The following STRA8 variants were observed in gnomAD, a reference collection of about 807,000 sequenced individuals.
STRA8 encodes the protein stimulated by retinoic acid 8.
A neutral mutation model predicts 37.1 loss-of-function variants in STRA8; 18 were observed. The observed-to-expected ratio is 0.48, with a 90% CI of 0.34 to 0.72. The LOEUF (loss-of-function observed/expected upper bound fraction) is 0.72. Ranked by LOEUF, STRA8 falls within the 30% of genes least tolerant of loss-of-function variation. The pLI, the probability that STRA8 is intolerant of heterozygous loss-of-function variation, is 0.01. For missense variants in STRA8, 357 were observed against 410.4 expected (o/e 0.87, Z 1.13); for synonymous variants, 168 against 162.9 (o/e 1.03, Z -0.24).
At chr7:135,243,088 C>G (rs1237319046) in intron 3 of STRA8, among the ~76,000 whole-genome samples, 3 of 152,172 alleles carry the variant, frequency 2.0e-5, no homozygotes, top group Non-Finnish European at 2.9e-5. Context: ...GAGTTCCCTA[C>G]TGGAGTGCTG....
rs759761842 is a variant in STRA8 at position 135,240,611 on chromosome 7, G to A, written c.87G>A (p.Val29=). The A allele has an allele frequency of 9.9e-5, 160 of 1,613,996 alleles. No homozygotes were observed. Among genetic ancestry groups the A allele is most frequent in the Non-Finnish European group, 2.5e-5 (29 of 1,180,034 alleles). The change falls in exon 2 of 9, where the codon GTG becomes GTA. Residue 29 remains valine (V), a synonymous_variant. Coordinates refer to ENST00000662584, the MANE Select transcript of STRA8 (RefSeq NM_001394401.1). ...PAQLQELEHR[V]ARRRLSQARH... is the part of the protein sequence containing the mutation. Reference sequence around the variant, plus strand: ...AGCTGCAGGAGCTTGAGCATCGGGTGGCCCGGAGACGGCTGTCCCAGGCCC... The same window carrying A: ...AGCTGCAGGAGCTTGAGCATCGGGTAGCCCGGAGACGGCTGTCCCAGGCCC...
rs1241485468 is a variant in STRA8 at position 135,246,835 on chromosome 7, T to A, written c.879+133T>A. 4.1e-6 allele frequency: 4 copies of A among 971,574 alleles called. No homozygotes were observed. The East Asian group carries it at 1.1e-4, about 28-fold the overall frequency. 60.2% of individuals were successfully genotyped at this position (971,574 alleles called of 1,614,324 possible). On this transcript the variant is annotated intron_variant, in intron 6 of 8. Coordinates refer to ENST00000662584, the MANE Select transcript of STRA8 (RefSeq NM_001394401.1). The surrounding 1 kb of genome is among the most constrained non-coding windows in gnomAD (Gnocchi z 5.4). ...TCTGGCTCCCAAGGTCGGTTTCTGATTTTCTTTTTTCTCTTTTTTTTTTTT... is the reference window on the plus strand; with the variant it reads ...TCTGGCTCCCAAGGTCGGTTTCTGAATTTCTTTTTTCTCTTTTTTTTTTTT...
chr7:135,252,275 G>A (rs1832648486), intron 7 of STRA8, among the ~76,000 whole-genome samples: 1 of 152,140 alleles, frequency 6.6e-6, no homozygotes, highest in Non-Finnish European at 1.5e-5. Context: ...ATGGTGACAG[G>A]AGAGAGAGTG....
At chr7:135,247,931 C>T (rs1194009098) in intron 6 of STRA8, among the ~76,000 whole-genome samples, 2 of 152,354 alleles carry the variant, frequency 1.3e-5, no homozygotes, top group East Asian at 3.9e-4. Context: ...CAGGCGCAGC[C>T]GATTCGCATT....
At chr7:135,247,714 G>A (rs1259633975) in intron 6 of STRA8, among the ~76,000 whole-genome samples, 1 of 152,200 alleles carries the variant, frequency 6.6e-6, no homozygotes, top group Non-Finnish European at 1.5e-5. Context: ...TGAAGGGGAG[G>A]TTACCACAAC....
In STRA8 at chr7:135,252,013, A is replaced by AGAGAGAGTGT. The variant is rs142941773; in HGVS notation, c.953+145_953+146insAGAGAGTGTG. On this transcript the variant is annotated intron_variant, in intron 7 of 8. Coordinates refer to ENST00000662584, the MANE Select transcript of STRA8 (RefSeq NM_001394401.1). ...AGAGGAGACAGAGGGAGAGAGAGAG[A>AGAGAGAGTGT]GTGTGTGTGTGTGTGTGTGTGTGTG... 1.4e-4 allele frequency: 70 copies of AGAGAGAGTGT among 505,376 alleles called. No homozygotes were observed. The African/African-American group carries it at 1.4e-3, about 10-fold the overall frequency. 31.3% of individuals were successfully genotyped at this position (505,376 alleles called of 1,614,324 possible).
chr7:135,258,311 A>G, intron 8 of STRA8, 107 bp from the exon 9 acceptor site: 1 of 856,300 alleles, frequency 1.2e-6, no homozygotes, highest in Non-Finnish European at 1.8e-6. Flanking sequence ...GAGACGTAGG[A>G]TAGAGTCTGG....
rs763023051 is a variant in STRA8 at position 135,258,530 on chromosome 7, G to A, written c.*38G>A. On this transcript the variant is annotated 3_prime_UTR_variant, in exon 9 of 9. Transcript: ENST00000662584. ...GCTGCGAGGGGAGGGACTGAATGAG[G>A]TGGGCAGTTCCCAAGGTTGAATGCT... is the stretch of plus-strand genomic sequence containing the variant. 6.5e-7 allele frequency: 1 copy of A among 1,545,060 alleles called. No homozygotes were observed. Among genetic ancestry groups the A allele is most frequent in the Admixed American group, 1.9e-5 (1 of 51,666 alleles).
Position 135,243,365 on chromosome 7 carries a change from A to C in STRA8, c.308A>C (p.Glu103Ala). The C allele has an allele frequency of 6.2e-7, 1 of 1,614,164 alleles. No individual in the cohort carries two copies. The highest frequency in any genetic ancestry group is 8.5e-7 in the Non-Finnish European group (1 of 1,180,008). ...NLEDGHASSL[E>A]EVKKEYASMY... ...GAAGATGGGCATGCAAGCAGCTTAG[A>C]GGAGGTCAAGAAAGAATATGCCAGC... Residue 103 changes from glutamate to alanine, a missense_variant, in exon 4 of 9, where the codon GAG (glutamate) becomes GCG (alanine). By Grantham distance (107) the Glu-to-Ala change is moderately radical. Coordinates refer to ENST00000662584, the MANE Select transcript of STRA8 (RefSeq NM_001394401.1).
Position 135,242,820 on chromosome 7 carries a change from C to A in STRA8, c.232C>A (p.Leu78Met). 1.2e-6 allele frequency: 2 copies of A among 1,614,218 alleles called. No individual in the cohort carries two copies. The highest frequency in any genetic ancestry group is 1.7e-6 in the Non-Finnish European group (2 of 1,180,026). The change falls in exon 3 of 9, where the codon CTG (leucine) becomes ATG (methionine). Residue 78 changes from leucine to methionine, a missense_variant. Leu to Met is a conservative substitution (Grantham distance 15). Transcript: ENST00000662584. Reference protein sequence around the residue: ...LNKAKSHIPELEQTLDNLLKL... With the variant: ...LNKAKSHIPEMEQTLDNLLKL... ...TAAGGCAAAGAGTCATATTCCAGAA[C>A]TGGAGCAAACCCTGGATAATTTGCT... is the stretch of plus-strand genomic sequence containing the variant.
chr7:135,246,611 G>C lies in STRA8; in HGVS notation c.788G>C (p.Cys263Ser). Residue 263 changes from cysteine to serine, a missense_variant, in exon 6 of 9, where the codon TGC (cysteine) becomes TCC (serine). Physicochemically the swap from Cys to Ser is moderately radical, Grantham distance 112. Transcript: ENST00000662584. This position sits in a 1 kb window ranked among gnomAD's most constrained non-coding sequence, Gnocchi z 5.4. ...HRGPATLAEA[C>S]REPACAEGSV... is the part of the protein sequence containing the mutation. ...GGCCCTGCGACCCTGGCGGAGGCCTGCCGAGAGCCGGCCTGTGCCGAGGGC... is the reference window on the plus strand; with the variant it reads ...GGCCCTGCGACCCTGGCGGAGGCCTCCCGAGAGCCGGCCTGTGCCGAGGGC... 4 of 1,541,246 alleles carry C rather than the reference G, an allele frequency of 2.6e-6. No homozygotes were observed. Among genetic ancestry groups the C allele is most frequent in the Non-Finnish European group, 3.5e-6 (4 of 1,146,100 alleles).
intron 1 of STRA8, among the ~76,000 whole-genome samples, chr7:135,239,147 C>A (rs1832422392): frequency 6.6e-6 from 1 of 152,206 alleles, no homozygotes; most frequent in South Asian, 2.1e-4. Context: ...ATTTTCCATA[C>A]TATAGCATAG....
At chr7:135,256,427 T>A (rs368480470) in intron 8 of STRA8, among the ~76,000 whole-genome samples, 20 of 152,290 alleles carry the variant, frequency 1.3e-4, no homozygotes, top group African/African-American at 4.6e-4. Flanking sequence ...ACTTTGAGAA[T>A]AGACGAAAAG....
chr7:135,235,768 G>A (rs1328387117), intron 1 of STRA8, among the ~76,000 whole-genome samples: 1 of 152,122 alleles, frequency 6.6e-6, no homozygotes, highest in African/African-American at 2.4e-5. Flanking sequence ...AAATAAAAAC[G>A]TTCAGACTAT....
intron 6 of STRA8, among the ~76,000 whole-genome samples, chr7:135,248,616 C>A (rs1194110643): frequency 6.6e-6 from 1 of 152,136 alleles, no homozygotes; most frequent in East Asian, 1.9e-4. Context: ...GAGGCTGAGG[C>A]AGGAGGATCC....
In STRA8 at chr7:135,246,728, G is replaced by A. The variant is rs1832563326; in HGVS notation, c.879+26G>A. ...GTGAGCAGGCCCACCGGGGTGGCGT[G>A]GATGGGGCACGGGAACCACCCTCGC... On this transcript the variant is annotated intron_variant, in intron 6 of 8. Coordinates refer to ENST00000662584, the MANE Select transcript of STRA8 (RefSeq NM_001394401.1). This position sits in a 1 kb window ranked among gnomAD's most constrained non-coding sequence, Gnocchi z 5.4. 6.7e-7 allele frequency: 1 copy of A among 1,498,260 alleles called. No homozygotes were observed. Among genetic ancestry groups the A allele is most frequent in the East Asian group, 2.5e-5 (1 of 40,494 alleles). 92.8% of individuals were successfully genotyped at this position (1,498,260 alleles called of 1,614,324 possible). A position where few individuals can be genotyped will look rare whatever the true frequency, so the allele number is the denominator to read the frequency against.
At position 135,240,588 on chromosome 7, in the gene STRA8, C is replaced by A; in HGVS notation, c.64C>A (p.Leu22Met). Residue 22 changes from leucine to methionine, a missense_variant, in exon 2 of 9, where the codon CTG (leucine) becomes ATG (methionine). Leu to Met is a conservative substitution (Grantham distance 15). Coordinates refer to ENST00000662584, the MANE Select transcript of STRA8 (RefSeq NM_001394401.1). ...AGCAACACCCCAGCTGCCAGCACAG[C>A]TGCAGGAGCTTGAGCATCGGGTGGC... Reference protein sequence around the residue: ...DRATPQLPAQLQELEHRVARR... With the variant: ...DRATPQLPAQMQELEHRVARR... 1.2e-6 allele frequency: 2 copies of A among 1,614,232 alleles called. No homozygotes were observed. The highest frequency in any genetic ancestry group is 1.7e-6 in the Non-Finnish European group (2 of 1,180,042).
At position 135,246,443 on chromosome 7, in the gene STRA8, T is replaced by C. The variant is rs776917775; in HGVS notation, c.620T>C (p.Met207Thr). ...TATCTCAACTTTTACAAACAGACGA[T>C]GGACCTTCTGACTGGCAGCGGGATC... Reference protein sequence around the residue: ...ERYLNFYKQTMDLLTGSGIIT... With the variant: ...ERYLNFYKQTTDLLTGSGIIT... Residue 207 changes from methionine (M) to threonine (T), a missense_variant, in exon 6 of 9, where the codon ATG (methionine) becomes ACG (threonine). Coordinates refer to ENST00000662584, the MANE Select transcript of STRA8 (RefSeq NM_001394401.1). This position sits in a 1 kb window ranked among gnomAD's most constrained non-coding sequence, Gnocchi z 5.4. 1.2e-6 allele frequency: 2 copies of C among 1,603,140 alleles called. No homozygotes were observed. Among genetic ancestry groups the C allele is most frequent in the South Asian group, 2.2e-5 (2 of 89,200 alleles).
At chr7:135,249,913 C>T (rs1832614451) in intron 6 of STRA8, among the ~76,000 whole-genome samples, 1 of 152,234 alleles carries the variant, frequency 6.6e-6, no homozygotes. Flanking sequence ...CAGCAGATTC[C>T]CTCAGCTGTG....
Sources: allele counts gnomAD v4.1 joint callset (sites outside exome capture counted in the v4.1 genomes callset), GRCh38; gene constraint gnomAD v4.1.1; non-coding constraint Gnocchi (gnomAD v3.1); transcripts MANE v1.5; gene names NCBI Gene and HGNC (gene_info 2026-07-23, HGNC 2026-07-21).